Variants in LETM1 observed in about 807,000 individuals in gnomAD.
LETM1 encodes leucine zipper and EF-hand containing transmembrane protein 1, also known as mitochondrial proton/calcium exchanger protein.
LETM1 carries 50 observed loss-of-function variants against 74.5 expected under a neutral mutation model. The observed-to-expected ratio is 0.67, with a 90% CI of 0.53 to 0.85. The LOEUF (loss-of-function observed/expected upper bound fraction) is 0.85, where lower values mean the gene tolerates loss of function less well. Ranked by LOEUF, LETM1 falls within the 40% of genes least tolerant of loss-of-function variation. LETM1 has a pLI of 0.00. For missense variants in LETM1, 824 were observed against 967.8 expected (o/e 0.85, Z 1.97); for synonymous variants, 446 against 407.1 (o/e 1.10, Z -1.15).
At chr4:1,823,252 G>T in intron 8 of LETM1, 121 bp from the exon 9 acceptor site, 1 of 1,313,074 alleles carries the variant, frequency 7.6e-7, no homozygotes, top group Non-Finnish European at 1.0e-6. Context: ...CACACACACA[G>T]GACAGAAGGC....
rs142280122 is a variant in LETM1 at position 1,815,110 on chromosome 4, G to A, written c.2071-537C>T. 1.7e-3 allele frequency among the ~76,000 whole-genome samples: 253 copies of A among 152,304 alleles called. 1 individual carries two copies. In the Middle Eastern group the frequency reaches 0.031, roughly 18 times the overall value. ...TCAGTGATTGGGAAAATTGGTGTGC[G>A]CACTCAGGCTAGAGCCCTGCCTTCC... On this transcript the variant is annotated intron_variant, in intron 13 of 13. Transcript: ENST00000302787.
At chr4:1,832,161 G>C (rs1455564202) in intron 6 of LETM1, among the ~76,000 whole-genome samples, 1 of 152,144 alleles carries the variant, frequency 6.6e-6, no homozygotes, top group African/African-American at 2.4e-5. Context: ...AAATAGCCGG[G>C]TATGGTGGCG....
In LETM1 at chr4:1,855,954, C is replaced by G; in HGVS notation, c.-4G>C. The stretch of plus-strand genomic sequence containing the variant: ...TCCTCAGTAAGATGGACGCCATGTG[C>G]TCGGGCGCGGCGGCCGCTCCGGCCT... On this transcript the variant is annotated 5_prime_UTR_variant, in exon 1 of 14. Coordinates refer to ENST00000302787, the MANE Select transcript of LETM1 (RefSeq NM_012318.3). The G allele has an allele frequency of 2.5e-6, 3 of 1,214,768 alleles. No individual in the cohort carries two copies. The highest frequency in any genetic ancestry group is 3.1e-6 in the Non-Finnish European group (3 of 977,796). 75.2% of individuals were successfully genotyped at this position (1,214,768 alleles called of 1,614,324 possible).
chr4:1,831,793 C>A (rs755957548), intron 6 of LETM1, among the ~76,000 whole-genome samples: 27 of 152,240 alleles, frequency 1.8e-4, no homozygotes, highest in Non-Finnish European at 3.4e-4. Flanking sequence ...CAACACTGCC[C>A]TGAACCTCTT....
Position 1,813,342 on chromosome 4 carries a change from T to G in LETM1, c.*1082A>C, listed in dbSNP as rs1722523819. 1 of 152,162 alleles carries G rather than the reference T, an allele frequency of 6.6e-6. No homozygotes were observed. 9.4% of individuals were successfully genotyped at this position (152,162 alleles called of 1,614,324 possible). A position where few individuals can be genotyped will look rare whatever the true frequency, so the allele number is the denominator to read the frequency against. ...ACCAACCTGACCTTAAAAAGATGAG[T>G]GTGACACAGCCGGCTGGGCAGGAGG... On this transcript the variant is annotated 3_prime_UTR_variant, in exon 14 of 14. Transcript: ENST00000302787.
chr4:1,830,318 T>C (rs1712221095), intron 6 of LETM1, among the ~76,000 whole-genome samples: 1 of 152,208 alleles, frequency 6.6e-6, no homozygotes, highest in Non-Finnish European at 1.5e-5. Flanking sequence ...AGTTGTAATT[T>C]TTCATTTGGT....
At chr4:1,829,869 G>GAC (rs150026345) in intron 6 of LETM1, among the ~76,000 whole-genome samples, 1,768 of 150,634 alleles carry the variant, frequency 0.012, 17 homozygotes, top group Non-Finnish European at 0.014. Flanking sequence ...ATGAAACAAC[G>GAC]ACACACACAC....
At chr4:1,843,294 G>A (rs955236301) in intron 2 of LETM1, 82 of 153,088 alleles carry the variant, frequency 5.4e-4, no homozygotes, top group African/African-American at 1.7e-3. Flanking sequence ...GATTACCACC[G>A]CCTTGCAGCC....
At position 1,819,310 on chromosome 4, in the gene LETM1, C is replaced by CA. The variant is rs1560477348; in HGVS notation, c.1743+27dup. 8.2e-6 allele frequency: 13 copies of CA among 1,586,342 alleles called. 1 individual carries two copies. Among genetic ancestry groups the CA allele is most frequent in the South Asian group, 3.4e-5 (3 of 87,230 alleles). On this transcript the variant is annotated intron_variant, in intron 11 of 13. Transcript: ENST00000302787. ...AGCGATTTTACTCTTCTTGCAGTCTCAGAGTCCAGGGAGCAAATCCCACCC... is the reference window on the plus strand; with the variant it reads ...AGCGATTTTACTCTTCTTGCAGTCTCAAGAGTCCAGGGAGCAAATCCCACCC...
chr4:1,830,435 ATCC>A (rs2108844715), intron 6 of LETM1, among the ~76,000 whole-genome samples: 1 of 152,290 alleles, frequency 6.6e-6, no homozygotes, highest in South Asian at 2.1e-4. Context: ...AGCTCGAGCA[ATCC>A]TCCTGCCTCA....
intron 1 of LETM1, among the ~76,000 whole-genome samples, chr4:1,855,042 A>G (rs1713190493): frequency 6.6e-6 from 1 of 152,080 alleles, no homozygotes; most frequent in South Asian, 2.1e-4. Flanking sequence ...TACAAAAAAA[A>G]AAATTAGCTG....
chr4:1,841,924 CCCA>C, intron 2 of LETM1, 127 bp from the exon 3 acceptor site: 1 of 716,852 alleles, frequency 1.4e-6, no homozygotes, highest in African/African-American at 1.8e-5. Context: ...CACACACAAT[CCCA>C]CCTACTTCCT....
At chr4:1,814,630 C>T (rs1231670400) in intron 13 of LETM1, 57 bp from the exon 14 acceptor site, 10 of 1,521,718 alleles carry the variant, frequency 6.6e-6, no homozygotes, top group South Asian at 2.3e-5. Flanking sequence ...CACAGTGAGG[C>T]AGAGGCGGGG....
At chr4:1,843,035 A>C in intron 2 of LETM1, 1 of 373,896 alleles carries the variant, frequency 2.7e-6, no homozygotes. Context: ...GCATAACTTC[A>C]CATCAGCTCC....
intron 1 of LETM1, among the ~76,000 whole-genome samples, chr4:1,854,875 G>A (rs1276226332): frequency 6.6e-6 from 1 of 151,774 alleles, no homozygotes; most frequent in African/African-American, 2.4e-5. Flanking sequence ...CTCTTTGGGG[G>A]TGGGGAACAG....
At chr4:1,853,106 C>T (rs1039223656) in intron 1 of LETM1, among the ~76,000 whole-genome samples, 3 of 152,158 alleles carry the variant, frequency 2.0e-5, no homozygotes, top group East Asian at 1.9e-4. Flanking sequence ...TCTCAACTAG[C>T]GCCCCTCCTC....
At chr4:1,832,174 C>T (rs760391010) in intron 6 of LETM1, among the ~76,000 whole-genome samples, 13 of 151,934 alleles carry the variant, frequency 8.6e-5, no homozygotes, top group African/African-American at 1.7e-4. Flanking sequence ...TGGTGGCGGG[C>T]GCCTGTAATC....
intron 7 of LETM1, among the ~76,000 whole-genome samples, chr4:1,824,512 A>G (rs1424534533): frequency 6.6e-6 from 1 of 152,230 alleles, no homozygotes; most frequent in Non-Finnish European, 1.5e-5. Flanking sequence ...CAAACTGAAC[A>G]CGGGGCAAAA....
At chr4:1,815,849 C>A (rs765423970) in intron 12 of LETM1, 47 bp from the exon 13 acceptor site, 66 of 1,602,820 alleles carry the variant, frequency 4.1e-5, no homozygotes, top group Non-Finnish European at 5.1e-5. Flanking sequence ...CGTCCTGCCA[C>A]ACAGGGCCTC....
Sources: gnomAD v4.1 joint callset for allele counts (sites outside exome capture counted in the v4.1 genomes callset) on GRCh38, gnomAD v4.1.1 for gene constraint, MANE v1.5 for transcripts, NCBI Gene and HGNC (gene_info 2026-07-23, HGNC 2026-07-21) for gene names.